GRM7: variants seen among roughly 807,000 people sequenced by gnomAD.
GRM7 encodes metabotropic glutamate receptor 7.
A neutral mutation model predicts 84.5 loss-of-function variants in GRM7; 35 were observed. That is an observed-to-expected ratio of 0.41 (90% CI 0.32 to 0.55). GRM7 has a LOEUF of 0.55. Ranked by LOEUF, GRM7 falls within the 20% of genes least tolerant of loss-of-function variation. The probability of loss-of-function intolerance (pLI) is 0.19; values close to 1 mark genes in which losing one functional copy is unlikely to be tolerated. For synonymous variants in GRM7, 487 were observed against 455.1 expected (o/e 1.07, Z -0.89); for missense variants, 1,003 against 1,194.6 (o/e 0.84, Z 2.36).
At chr3:7,726,253 G>T (rs556730590) in intron 9 of GRM7, among the ~76,000 whole-genome samples, 1 of 152,052 alleles carries the variant, frequency 6.6e-6, no homozygotes, top group South Asian at 2.1e-4. Flanking sequence ...AAAACTGGCA[G>T]AACAAGAAAT....
At chr3:7,385,011 A>G (rs1272462587) in intron 4 of GRM7, among the ~76,000 whole-genome samples, 7 of 152,220 alleles carry the variant, frequency 4.6e-5, no homozygotes. Context: ...TAAATGAAAC[A>G]TATTTCATGT....
chr3:7,070,377 T>C (rs1204845762), intron 1 of GRM7, among the ~76,000 whole-genome samples: 2 of 152,154 alleles, frequency 1.3e-5, no homozygotes, highest in Non-Finnish European at 2.9e-5. Flanking sequence ...ACATTCCATA[T>C]GCTTAACACT....
At chr3:7,701,121 T>C (rs946908595) in intron 9 of GRM7, among the ~76,000 whole-genome samples, 16 of 152,156 alleles carry the variant, frequency 1.1e-4, no homozygotes, top group Non-Finnish European at 2.4e-4. Flanking sequence ...GCCAGCATCC[T>C]GAGACATGCT....
At chr3:7,171,344 T>A (rs1007315551) in intron 2 of GRM7, among the ~76,000 whole-genome samples, 2 of 152,156 alleles carry the variant, frequency 1.3e-5, no homozygotes, top group African/African-American at 4.8e-5. Flanking sequence ...AGCCTAATAA[T>A]CTTATGTTAA....
intron 8 of GRM7, among the ~76,000 whole-genome samples, chr3:7,596,094 G>A (rs557087549): frequency 1.3e-5 from 2 of 152,272 alleles, no homozygotes; most frequent in East Asian, 3.9e-4. Context: ...ATGAGTTAGA[G>A]GTGTTGCAAA....
intron 8 of GRM7, among the ~76,000 whole-genome samples, chr3:7,618,851 T>G (rs1697234015): frequency 6.6e-6 from 1 of 152,158 alleles, no homozygotes; most frequent in African/African-American, 2.4e-5. Context: ...CTGTTGACCT[T>G]AGGCATTGAC....
chr3:6,868,142 GTACATA>G (rs1694998379), intron 1 of GRM7, among the ~76,000 whole-genome samples: 1 of 152,096 alleles, frequency 6.6e-6, no homozygotes, highest in Non-Finnish European at 1.5e-5. Flanking sequence ...GTCCTGCAAT[GTACATA>G]TTCTCATCCC....
intron 2 of GRM7, among the ~76,000 whole-genome samples, chr3:7,187,640 G>T (rs1409884734): frequency 6.8e-6 from 1 of 147,930 alleles, no homozygotes; most frequent in African/African-American, 2.5e-5. Context: ...GCAGCTCAGG[G>T]CAATTGCAGT....
intron 1 of GRM7, among the ~76,000 whole-genome samples, chr3:7,146,219 C>G (rs1172318706): frequency 6.6e-6 from 1 of 152,154 alleles, no homozygotes; most frequent in Admixed American, 6.6e-5. Flanking sequence ...AACCTCCTTC[C>G]CTTATTCCTA....
At chr3:7,557,180 G>T (rs1197144473) in intron 7 of GRM7, among the ~76,000 whole-genome samples, 1 of 152,092 alleles carries the variant, frequency 6.6e-6, no homozygotes, top group Non-Finnish European at 1.5e-5. Context: ...GCCTGCCTTA[G>T]GAATCCACTG....
intron 1 of GRM7, among the ~76,000 whole-genome samples, chr3:6,937,225 T>G (rs2125051926): frequency 6.6e-6 from 1 of 152,368 alleles, no homozygotes; most frequent in Non-Finnish European, 1.5e-5. Context: ...CTGCTTTGAT[T>G]AAATGTTTTC....
At chr3:7,239,414 TAG>T (rs1194905281) in intron 2 of GRM7, among the ~76,000 whole-genome samples, 3 of 152,166 alleles carry the variant, frequency 2.0e-5, no homozygotes, top group Non-Finnish European at 4.4e-5. Flanking sequence ...TCTGGGATCA[TAG>T]TTTGCTCATC....
rs1264735913 is a variant in GRM7 at position 6,898,726 on chromosome 3, C to T, written c.519+36819C>T. On this transcript the variant is annotated intron_variant, in intron 1 of 9. Coordinates refer to ENST00000357716, the MANE Select transcript of GRM7 (RefSeq NM_000844.4). ...AGGTGTGGTGGTACCAACCTCCCAG[C>T]TACTCTGGAGGCGAAGGCAGGAAGA... Among the ~76,000 whole-genome samples, 3 of 151,596 alleles carry T rather than the reference C, an allele frequency of 2.0e-5. No individual in the cohort carries two copies. The East Asian group carries it at 5.8e-4, about 29-fold the overall frequency.
At chr3:7,722,625 T>C (rs941350463) in intron 9 of GRM7, among the ~76,000 whole-genome samples, 9 of 152,118 alleles carry the variant, frequency 5.9e-5, no homozygotes, top group African/African-American at 2.2e-4. Context: ...GTAATTTTAG[T>C]AGAGACAGGG....
intron 1 of GRM7, among the ~76,000 whole-genome samples, chr3:7,023,198 C>T (rs749049267): frequency 2.6e-5 from 4 of 152,116 alleles, no homozygotes; most frequent in Non-Finnish European, 1.5e-5. Flanking sequence ...ATGACTAACC[C>T]TAGTCTCTTC....
At chr3:7,012,153 T>C (rs1054603638) in intron 1 of GRM7, among the ~76,000 whole-genome samples, 1 of 152,018 alleles carries the variant, frequency 6.6e-6, no homozygotes, top group Non-Finnish European at 1.5e-5. Flanking sequence ...ATCAAATGGA[T>C]TGAGTGCCCA....
chr3:6,901,192 A>C (rs1411900643), intron 1 of GRM7, among the ~76,000 whole-genome samples: 2 of 152,222 alleles, frequency 1.3e-5, no homozygotes, highest in Non-Finnish European at 2.9e-5. Context: ...TTAACAGACA[A>C]GTTATTTTAA....
intron 2 of GRM7, among the ~76,000 whole-genome samples, chr3:7,205,241 A>G (rs779685461): frequency 5.3e-5 from 8 of 152,342 alleles, no homozygotes; most frequent in Non-Finnish European, 1.0e-4. Context: ...TCAGAAACTT[A>G]TTGAAAATAA....
chr3:7,458,370 T>A (rs1698105141), intron 6 of GRM7, among the ~76,000 whole-genome samples: 1 of 152,196 alleles, frequency 6.6e-6, no homozygotes, highest in African/African-American at 2.4e-5. Context: ...TGGACTTTTT[T>A]AAAATATAGA....
Sources: allele counts gnomAD v4.1 joint callset (sites outside exome capture counted in the v4.1 genomes callset), GRCh38; gene constraint gnomAD v4.1.1; transcripts MANE v1.5; gene names NCBI Gene and HGNC (gene_info 2026-07-23, HGNC 2026-07-21).